Variants in OGFOD2 observed in about 807,000 individuals in gnomAD.
The protein encoded by OGFOD2 is 2-oxoglutarate and iron dependent oxygenase domain containing 2, also known as 2-oxoglutarate and iron-dependent oxygenase domain-containing protein 2.
Under a neutral mutation model 31.1 loss-of-function variants are expected in OGFOD2, and 34 were observed. That is an observed-to-expected ratio of 1.09 (90% CI 0.83 to 1.45). The LOEUF (loss-of-function observed/expected upper bound fraction) is 1.45, where lower values mean the gene tolerates loss of function less well. Ranked by LOEUF, OGFOD2 falls within the 40% of genes most tolerant of loss-of-function variation. The pLI is 0.00. For missense variants in OGFOD2, 537 were observed against 433.9 expected, an observed-to-expected ratio of 1.24 and a Z score of -2.11; for synonymous variants, 240 against 192.3, an observed-to-expected ratio of 1.25 and a Z score of -2.05.
At chr12:122,978,974 C>T (rs753972430) in exon 6 of OGFOD2, 5 of 1,613,080 alleles carry the variant, frequency 3.1e-6, no homozygotes, top group Non-Finnish European at 4.2e-6. Context: ...GCAAGGTCTT[C>T]ACAGGGGGCG....
At chr12:122,979,133 G>A (rs1052637941) in exon 7 of OGFOD2, 2 of 1,606,372 alleles carry the variant, frequency 1.2e-6, no homozygotes, top group East Asian at 4.5e-5. Flanking sequence ...TGGTGGGCCA[G>A]GGTGTCCTCC....
intron 2 of OGFOD2, chr12:122,976,451 A>G: frequency 6.3e-7 from 1 of 1,597,486 alleles, no homozygotes; most frequent in South Asian, 1.1e-5. Context: ...GGGCAGCCTG[A>G]AACAGGATGG....
rs765228983 is a variant in OGFOD2, at chr12:122,976,988, A to G, written c.403+18A>G. ...AGTATCGGGTGAGGTCCTGGCCCTGAGACCTGGCAGGACCAGGGAATGGCA... is the reference window on the plus strand; with the variant it reads ...AGTATCGGGTGAGGTCCTGGCCCTGGGACCTGGCAGGACCAGGGAATGGCA... On this transcript the variant is annotated intron_variant, in intron 4 of 6. Coordinates refer to ENST00000228922, the Ensembl canonical transcript of OGFOD2. 1.2e-6 allele frequency: 2 copies of G among 1,604,972 alleles called. No homozygotes were observed. The highest frequency in any genetic ancestry group is 1.7e-6 in the Non-Finnish European group (2 of 1,173,068).
At chr12:122,978,243 G>A (rs1364806324) in intron 4 of OGFOD2, 199 bp from the exon 5 acceptor site, 5 of 605,754 alleles carry the variant, frequency 8.3e-6, no homozygotes, top group Admixed American at 3.1e-5. Flanking sequence ...TAGAGTCTGG[G>A]GAAAGGTTCC....
intron 4 of OGFOD2, 65 bp downstream of exon 4, chr12:122,977,035 G>A (rs750756129): frequency 1.1e-5 from 16 of 1,479,782 alleles, no homozygotes; most frequent in Non-Finnish European, 1.3e-5. Flanking sequence ...CTGGGTGTGG[G>A]ATGCTGGGGT....
chr12:122,977,340 C>T (rs976855300), intron 4 of OGFOD2: 10 of 328,300 alleles, frequency 3.0e-5, no homozygotes, highest in East Asian at 2.6e-4. Flanking sequence ...TGGCAAAGCC[C>T]GGCCCCCCAG....
chr12:122,975,064 G>GC, upstream of OGFOD2: 1 of 468,376 alleles, frequency 2.1e-6, no homozygotes, highest in East Asian at 3.2e-5. Flanking sequence ...GAACGAGGAG[G>GC]CCGCCGGTCC....
chr12:122,978,829 C>T (rs1293154304), exon 6 of OGFOD2: 2 of 1,612,726 alleles, frequency 1.2e-6, no homozygotes, highest in Non-Finnish European at 1.7e-6. Flanking sequence ...CCGCTGATGG[C>T]CCTGCTGTAC....
Position 122,978,834 on chromosome 12 carries a change from C to T in OGFOD2, c.613C>T (p.Leu205=). The T allele has an allele frequency of 1.9e-6, 3 of 1,612,860 alleles. No homozygotes were observed. The Middle Eastern group carries it at 5.0e-4, about 268-fold the overall frequency. Residue 205 remains leucine, a synonymous_variant, in exon 6 of 7, where the codon CTG becomes TTG. Transcript: ENST00000228922. ...CTTCCTGCAGCCGCTGATGGCCCTG[C>T]TGTACCCTGACTGTGGCGGGGGCCG...
intron 2 of OGFOD2, 175 bp downstream of exon 2, chr12:122,976,042 G>T (rs942789146): frequency 3.3e-6 from 2 of 604,460 alleles, no homozygotes; most frequent in Non-Finnish European, 3.0e-6. Flanking sequence ...CACCAGGAGA[G>T]AGAAGGGGAA....
intron 2 of OGFOD2, 65 bp from the exon 3 acceptor site, chr12:122,976,589 T>G (rs745912477): frequency 3.7e-6 from 5 of 1,343,428 alleles, no homozygotes; most frequent in Non-Finnish European, 5.3e-6. Context: ...TTCAGTTTCT[T>G]CATCTGTACA....
chr12:122,978,977 A>G (rs553517033), exon 6 of OGFOD2: 3 of 1,613,070 alleles, frequency 1.9e-6, no homozygotes, highest in East Asian at 2.2e-5. Context: ...AGGTCTTCAC[A>G]GGGGGCGCCC....
In OGFOD2 at chr12:122,979,443, T is replaced by C; in HGVS notation, c.*97T>C. On this transcript the variant is annotated 3_prime_UTR_variant, in exon 7 of 7. Coordinates refer to ENST00000228922, the Ensembl canonical transcript of OGFOD2. ...AAATCCCCGCAGCCTACTGCACTTC[T>C]TGGCTCAACGGTGTGCCAGCTTCTG... 5.0e-6 allele frequency: 7 copies of C among 1,410,024 alleles called. 1 individual carries two copies. The highest frequency in any genetic ancestry group is 4.2e-5 in the South Asian group (3 of 71,966). The allele number at this position is 1,410,024 out of a possible 1,614,324, so 87.3% of individuals were successfully genotyped here.
intron 2 of OGFOD2, 38 bp from the exon 3 acceptor site, chr12:122,976,615 TG>T: frequency 7.0e-7 from 1 of 1,433,754 alleles, no homozygotes; most frequent in East Asian, 2.3e-5. Context: ...CTCAGGAGGA[TG>T]GGAGGCCCCA....
exon 7 of OGFOD2, chr12:122,979,455 T>G: frequency 1.5e-5 from 20 of 1,343,310 alleles, no homozygotes; most frequent in Non-Finnish European, 2.0e-5. Flanking sequence ...GGCTCAACGG[T>G]GTGCCAGCTT....
chr12:122,978,233 TAG>T (rs925769539), intron 4 of OGFOD2: 3 of 566,728 alleles, frequency 5.3e-6, no homozygotes, highest in Non-Finnish European at 9.2e-6. Flanking sequence ...TGGACACTTG[TAG>T]AGTCTGGGGA....
chr12:122,978,237 G>C (rs2037489662), intron 4 of OGFOD2: 1 of 584,150 alleles, frequency 1.7e-6, no homozygotes, highest in Admixed American at 3.1e-5. Flanking sequence ...CACTTGTAGA[G>C]TCTGGGGAAA....
exon 6 of OGFOD2, chr12:122,978,935 T>C: frequency 6.2e-7 from 1 of 1,613,282 alleles, no homozygotes; most frequent in Non-Finnish European, 8.5e-7. Flanking sequence ...ACTATGATAA[T>C]GCCGAGCTCA....
Position 122,975,279 on chromosome 12 carries a change from T to A in OGFOD2, c.28T>A (p.Phe10Ile), listed in dbSNP as rs983649529. 8.7e-6 allele frequency: 6 copies of A among 691,608 alleles called. No homozygotes were observed. In the African/African-American group the frequency reaches 1.1e-4, roughly 12 times the overall value. 42.8% of individuals were successfully genotyped at this position (691,608 alleles called of 1,614,324 possible). A position where few individuals can be genotyped will look rare whatever the true frequency, so the allele number is the denominator to read the frequency against. Reference sequence around the variant, plus strand: ...GGCGACGGTGGGGGCTCCGCGGCACTTCTGCCGCTGCGCCTGCTTCTGCAC... The same window carrying A: ...GGCGACGGTGGGGGCTCCGCGGCACATCTGCCGCTGCGCCTGCTTCTGCAC... Residue 10 changes from phenylalanine to isoleucine, a missense_variant, in exon 1 of 7, where the codon TTC (phenylalanine) becomes ATC (isoleucine). Phe to Ile is a conservative substitution (Grantham distance 21, BLOSUM62 0). Transcript: ENST00000228922.
Sources: gnomAD v4.1 joint callset for allele counts on GRCh38, gnomAD v4.1.1 for gene constraint, MANE v1.5 for transcripts, NCBI Gene and HGNC (gene_info 2026-07-23, HGNC 2026-07-21) for gene names.